The following ST7L variants were observed in gnomAD, a reference collection of about 807,000 sequenced individuals.
The protein encoded by ST7L is suppression of tumorigenicity 7 like.
In ST7L, 57 loss-of-function variants were observed where a neutral mutation model predicts 72.5. The ratio of observed to expected loss-of-function variants is 0.79; its 90% confidence interval spans 0.64 to 0.98. ST7L has a LOEUF of 0.98. ST7L is among the 50% of genes least tolerant of loss of function. The probability of loss-of-function intolerance (pLI) is 0.00; values close to 1 mark genes in which losing one functional copy is unlikely to be tolerated. For missense variants in ST7L, 576 were observed against 672.2 expected (o/e 0.86, Z 1.58); for synonymous variants, 221 against 240.9 (o/e 0.92, Z 0.77).
At chr1:112,551,598 A>C (rs1465599207) in intron 12 of ST7L, among the ~76,000 whole-genome samples, 1 of 148,430 alleles carries the variant, frequency 6.7e-6, no homozygotes, top group Non-Finnish European at 1.5e-5. Flanking sequence ...TGTTACAAGA[A>C]TCGAGTAGCT....
chr1:112,543,740 G>A (rs1656584566), intron 13 of ST7L, among the ~76,000 whole-genome samples: 1 of 151,676 alleles, frequency 6.6e-6, no homozygotes, highest in Non-Finnish European at 1.5e-5. Flanking sequence ...ATGGTGACGT[G>A]CACCTATAGT....
upstream of ST7L, chr1:112,619,472 G>C: frequency 3.7e-6 from 2 of 534,350 alleles, no homozygotes; most frequent in Non-Finnish European, 6.6e-6. Flanking sequence ...TAAAGCTTTG[G>C]ATTCGGCTGT....
intron 6 of ST7L, among the ~76,000 whole-genome samples, chr1:112,590,608 G>A (rs1452863109): frequency 6.6e-6 from 1 of 152,072 alleles, no homozygotes; most frequent in African/African-American, 2.4e-5. Flanking sequence ...AACCCCAACT[G>A]GAACCATATT....
At chr1:112,535,722 CAA>C (rs879742619) in intron 14 of ST7L, among the ~76,000 whole-genome samples, 17 of 123,798 alleles carry the variant, frequency 1.4e-4, no homozygotes, top group East Asian at 2.3e-4. Flanking sequence ...GACTCTGTCT[CAA>C]AAAAAAAAAA....
At chr1:112,551,569 T>C (rs1173374531) in intron 12 of ST7L, among the ~76,000 whole-genome samples, 2 of 152,206 alleles carry the variant, frequency 1.3e-5, no homozygotes, top group Non-Finnish European at 2.9e-5. Flanking sequence ...CATTTACATA[T>C]TGGCTAAGGC....
intron 3 of ST7L, among the ~76,000 whole-genome samples, chr1:112,606,355 C>A (rs1668241428): frequency 6.6e-6 from 1 of 152,176 alleles, no homozygotes; most frequent in Non-Finnish European, 1.5e-5. Context: ...ATCTCCTCAG[C>A]TAAATATCCA....
At chr1:112,571,191 A>C in intron 11 of ST7L, 1 of 400,056 alleles carries the variant, frequency 2.5e-6, no homozygotes, top group Non-Finnish European at 4.9e-6. Flanking sequence ...TCTTCAAAAA[A>C]ACCTTAATAA....
At chr1:112,585,536 A>C (rs993127316) in intron 6 of ST7L, among the ~76,000 whole-genome samples, 1 of 151,972 alleles carries the variant, frequency 6.6e-6, no homozygotes. Context: ...AGGTCAGGAG[A>C]TCGAGACCAC....
intron 6 of ST7L, among the ~76,000 whole-genome samples, chr1:112,584,538 A>G (rs1464399924): frequency 6.6e-6 from 1 of 151,616 alleles, no homozygotes; most frequent in Non-Finnish European, 1.5e-5. Context: ...CCCAGGCTGG[A>G]GTGCAATGGC....
chr1:112,590,814 T>G (rs1357226563), intron 6 of ST7L, among the ~76,000 whole-genome samples: 1 of 152,192 alleles, frequency 6.6e-6, no homozygotes, highest in Non-Finnish European at 1.5e-5. Context: ...TTTAATCCCC[T>G]TCTCATGCCT....
chr1:112,536,640 AC>A (rs1399728900), intron 14 of ST7L, among the ~76,000 whole-genome samples: 1 of 152,060 alleles, frequency 6.6e-6, no homozygotes, highest in Non-Finnish European at 1.5e-5. Context: ...GTAACATCTG[AC>A]CTTCTATATC....
At chr1:112,553,627 T>C (rs1443171233) in intron 12 of ST7L, among the ~76,000 whole-genome samples, 1 of 152,216 alleles carries the variant, frequency 6.6e-6, no homozygotes, top group African/African-American at 2.4e-5. Flanking sequence ...TAATGAGATA[T>C]AGGTATGAGC....
intron 14 of ST7L, 55 bp downstream of exon 14, chr1:112,541,896 T>G (rs898840493): frequency 3.1e-6 from 5 of 1,596,524 alleles, no homozygotes; most frequent in Non-Finnish European, 4.3e-6. Context: ...AGATCAGAGA[T>G]GGTTTCTTGT....
At chr1:112,572,300 T>TAA (rs1377010591) in intron 11 of ST7L, among the ~76,000 whole-genome samples, 2 of 152,194 alleles carry the variant, frequency 1.3e-5, no homozygotes. Context: ...GGCTTCAACT[T>TAA]AAAGTCACCA....
chr1:112,520,037 T>C (rs1313939140), downstream of ST7L, among the ~76,000 whole-genome samples: 1 of 151,356 alleles, frequency 6.6e-6, no homozygotes, highest in Non-Finnish European at 1.5e-5. Context: ...GGCACCTGGC[T>C]AATTTTTTAA....
rs2101527823 is a variant in ST7L, at chr1:112,549,169, G to A, written c.1489+1432C>T. On this transcript the variant is annotated intron_variant, in intron 13 of 14. Coordinates refer to ENST00000358039, the MANE Select transcript of ST7L (RefSeq NM_017744.5). Reference sequence around the variant, plus strand: ...GCACTTTAGGAGGCTGAGGCAGGTGGATTGCTTGACCCCAGGAGTTTGCAA... The same window carrying A: ...GCACTTTAGGAGGCTGAGGCAGGTGAATTGCTTGACCCCAGGAGTTTGCAA... Among the ~76,000 whole-genome samples the A allele has an allele frequency of 3.3e-5, 5 of 152,244 alleles. No individual in the cohort carries two copies. In the South Asian group the frequency reaches 1.0e-3, roughly 32 times the overall value.
chr1:112,584,947 G>A (rs1376472532), intron 6 of ST7L, among the ~76,000 whole-genome samples: 2 of 152,102 alleles, frequency 1.3e-5, no homozygotes, highest in Non-Finnish European at 2.9e-5. Flanking sequence ...CCCCAAATCT[G>A]AGTACTCCCC....
At chr1:112,523,310 A>G (rs552359849), downstream of ST7L, 9 of 143,570 alleles carry the variant, frequency 6.3e-5, 1 homozygote, top group Middle Eastern at 7.0e-3. Context: ...AGAAAAGAGC[A>G]AGCTGTCCAG....
At chr1:112,611,051 CAT>C (rs754546888) in intron 2 of ST7L, 48 bp from the exon 3 acceptor site, 32 of 1,575,558 alleles carry the variant, frequency 2.0e-5, no homozygotes, top group Non-Finnish European at 2.7e-5. Flanking sequence ...TCAGCAGATA[CAT>C]GAGCTCAAAT....
Sources: allele counts gnomAD v4.1 joint callset (sites outside exome capture counted in the v4.1 genomes callset), GRCh38; gene constraint gnomAD v4.1.1; transcripts MANE v1.5; gene names NCBI Gene and HGNC (gene_info 2026-07-23, HGNC 2026-07-21).